Variants in UBR3 observed in about 807,000 individuals in gnomAD.
The protein encoded by UBR3 is E3 ubiquitin-protein ligase UBR3.
A neutral mutation model predicts 243.2 loss-of-function variants in UBR3; 85 were observed. The ratio of observed to expected loss-of-function variants is 0.35; its 90% CI spans 0.29 to 0.42. The LOEUF is 0.42. Ranked by LOEUF, UBR3 falls within the 10% of genes least tolerant of loss-of-function variation. UBR3 has a pLI of 1.00. For synonymous variants in UBR3, 748 were observed against 799.8 expected (o/e 0.94, Z 1.09); for missense variants, 1,686 against 2,300.8 (o/e 0.73, Z 5.47).
intron 10 of UBR3, among the ~76,000 whole-genome samples, chr2:169,910,841 A>G (rs1201080248): frequency 6.6e-6 from 1 of 152,186 alleles, no homozygotes; most frequent in Non-Finnish European, 1.5e-5. Context: ...TCTAATTTAA[A>G]AACCAATGCT....
chr2:169,848,749 C>CTGGAGTGCA (rs1432656272), intron 1 of UBR3, among the ~76,000 whole-genome samples: 2 of 150,426 alleles, frequency 1.3e-5, no homozygotes, highest in Admixed American at 1.3e-4. Flanking sequence ...GTTGCCCAGG[C>CTGGAGTGCA]TGGAGTGCAG....
At chr2:169,945,189 A>AG (rs1202110722) in intron 20 of UBR3, among the ~76,000 whole-genome samples, 2 of 150,022 alleles carry the variant, frequency 1.3e-5, no homozygotes, top group Non-Finnish European at 3.0e-5. Flanking sequence ...AAGGGCTAGG[A>AG]GGGGCTCTAT....
intron 13 of UBR3, among the ~76,000 whole-genome samples, 152 bp downstream of exon 13, chr2:169,924,325 G>C (rs1467354757): frequency 6.6e-6 from 1 of 151,994 alleles, no homozygotes; most frequent in East Asian, 1.9e-4. Flanking sequence ...ATTATGTTTA[G>C]GTATTTTTCA....
chr2:169,883,703 A>G (rs977581509), intron 5 of UBR3, among the ~76,000 whole-genome samples: 2 of 152,256 alleles, frequency 1.3e-5, no homozygotes, highest in Admixed American at 6.5e-5. Flanking sequence ...GGGAAAAAAT[A>G]CAACTGATAA....
intron 35 of UBR3, among the ~76,000 whole-genome samples, chr2:170,070,612 G>A (rs929428937): frequency 2.0e-5 from 3 of 152,118 alleles, no homozygotes; most frequent in Non-Finnish European, 4.4e-5. Flanking sequence ...ACCTATTAGA[G>A]CTAATAAGTT....
rs1007978474 is a variant in UBR3 at position 170,082,340 on chromosome 2, C to G, written c.*497C>G. 3 of 152,514 alleles carry G rather than the reference C, an allele frequency of 2.0e-5. No homozygotes were observed. The highest frequency in any genetic ancestry group is 7.2e-5 in the African/African-American group (3 of 41,392). 9.4% of individuals were successfully genotyped at this position (152,514 alleles called of 1,614,324 possible). On this transcript the variant is annotated 3_prime_UTR_variant, in exon 39 of 39. Transcript: ENST00000272793. ...TGTAAAACATGATTTATGTGAAATA[C>G]TGTATAGTAAAAGTTGGTCTAATAG...
At chr2:169,878,055 A>G (rs569859849) in intron 4 of UBR3, among the ~76,000 whole-genome samples, 1 of 152,122 alleles carries the variant, frequency 6.6e-6, no homozygotes, top group Non-Finnish European at 1.5e-5. Context: ...TTAGGTCCAA[A>G]CTTATTTGAG....
chr2:170,023,149 T>G (rs1197940525), intron 30 of UBR3, among the ~76,000 whole-genome samples: 1 of 152,148 alleles, frequency 6.6e-6, no homozygotes, highest in East Asian at 1.9e-4. Context: ...TTTTTTTTTT[T>G]TTTTTAAGGG....
At chr2:169,846,756 A>G (rs1236226936) in intron 1 of UBR3, among the ~76,000 whole-genome samples, 1 of 151,838 alleles carries the variant, frequency 6.6e-6, no homozygotes, top group African/African-American at 2.4e-5. Flanking sequence ...TTTTGGAGAC[A>G]GCATCTCACC....
At chr2:169,841,542 C>T (rs1465985772) in intron 1 of UBR3, among the ~76,000 whole-genome samples, 2 of 152,198 alleles carry the variant, frequency 1.3e-5, no homozygotes, top group South Asian at 2.1e-4. Flanking sequence ...GGGAGAGGCA[C>T]GAGCCGGAAC....
chr2:169,864,346 T>C (rs2083183070), intron 1 of UBR3, among the ~76,000 whole-genome samples: 1 of 152,202 alleles, frequency 6.6e-6, no homozygotes, highest in African/African-American at 2.4e-5. Flanking sequence ...GTTAGCTCCA[T>C]GAGGACAAGG....
rs11421686 is a variant in UBR3, at chr2:169,844,007, C to CTTT, written c.545+15969_545+15971dup. On this transcript the variant is annotated intron_variant, in intron 1 of 38. Coordinates refer to ENST00000272793, the MANE Select transcript of UBR3 (RefSeq NM_172070.4). ...CCATTTCTTTTCTTTTTTCTCTTTA[C>CTTT]TTTTTTTTTTTTTTTTGAGACTGAG... 2.1e-3 allele frequency among the ~76,000 whole-genome samples: 286 copies of CTTT among 134,060 alleles called. 5 individuals carry two copies. Among genetic ancestry groups the CTTT allele is most frequent in the Middle Eastern group, 4.1e-3 (1 of 242 alleles). The allele number at this position is 134,060 out of a possible 152,430, so 87.9% of individuals were successfully genotyped here.
intron 27 of UBR3, among the ~76,000 whole-genome samples, chr2:170,002,139 T>C (rs1186310458): frequency 3.9e-5 from 6 of 152,124 alleles, no homozygotes; most frequent in African/African-American, 1.4e-4. Flanking sequence ...CTTTGAATTT[T>C]TTCCTAGTGT....
At chr2:170,037,458 G>T (rs2090862693) in intron 31 of UBR3, among the ~76,000 whole-genome samples, 1 of 152,048 alleles carries the variant, frequency 6.6e-6, no homozygotes, top group African/African-American at 2.4e-5. Flanking sequence ...TGTGATCTTG[G>T]CTCACTGCAA....
At position 169,827,900 on chromosome 2, in the gene UBR3, C is replaced by T. The variant is rs770593858; in HGVS notation, c.393C>T (p.Tyr131=). ...GLVWTANFVA[Y]RCRTCGISPC... is the part of the protein sequence containing the mutation. ...TCTGGACAGCCAACTTCGTGGCCTA[C>T]CGCTGCCGGACGTGCGGCATCTCGC... The change falls in exon 1 of 39, where the codon TAC becomes TAT. Residue 131 remains tyrosine, a synonymous_variant. Coordinates refer to ENST00000272793, the MANE Select transcript of UBR3 (RefSeq NM_172070.4). 8.6e-6 allele frequency: 13 copies of T among 1,518,736 alleles called. No individual in the cohort carries two copies. Among genetic ancestry groups the T allele is most frequent in the African/African-American group, 4.2e-5 (3 of 70,876 alleles). The allele number at this position is 1,518,736 out of a possible 1,614,324, so 94.1% of individuals were successfully genotyped here. A position where few individuals can be genotyped will look rare whatever the true frequency, so the allele number is the denominator to read the frequency against.
At chr2:170,043,579 A>G (rs2091017680) in intron 32 of UBR3, among the ~76,000 whole-genome samples, 1 of 152,222 alleles carries the variant, frequency 6.6e-6, no homozygotes, top group Non-Finnish European at 1.5e-5. Flanking sequence ...ATCATTAAAG[A>G]AGAGTTTCTT....
At chr2:170,077,980 GGC>G (rs2091845428) in intron 36 of UBR3, 2 of 616,570 alleles carry the variant, frequency 3.2e-6, no homozygotes. Context: ...TTTTCATTTC[GGC>G]TTAATCATAC....
At chr2:169,900,601 C>G (rs2084782574) in intron 8 of UBR3, among the ~76,000 whole-genome samples, 1 of 152,096 alleles carries the variant, frequency 6.6e-6, no homozygotes, top group South Asian at 2.1e-4. Context: ...ATTGAGAAAA[C>G]AAAATTTAGA....
intron 33 of UBR3, among the ~76,000 whole-genome samples, chr2:170,056,003 C>CTTTTTTTTTTTTTTTTTTTTT: frequency 1.1e-5 from 1 of 88,916 alleles, no homozygotes; most frequent in Non-Finnish European, 2.2e-5. Flanking sequence ...TCTTTTCTTT[C>CTTTTTTTTTTTTTTTTTTTTT]TTTTTTTTTT....
Sources: gnomAD v4.1 joint callset for allele counts (sites outside exome capture counted in the v4.1 genomes callset) on GRCh38, gnomAD v4.1.1 for gene constraint, MANE v1.5 for transcripts, NCBI Gene and HGNC (gene_info 2026-07-23, HGNC 2026-07-21) for gene names.